FGF14: variants seen among roughly 807,000 people sequenced by gnomAD.
FGF14 encodes fibroblast growth factor homologous factor 4.
FGF14 carries 5 observed loss-of-function variants against 25.5 expected under a neutral mutation model. The ratio of observed to expected loss-of-function variants is 0.20; its 90% CI spans 0.10 to 0.41. FGF14 has a LOEUF of 0.41. Ranked by LOEUF, FGF14 falls within the 10% of genes least tolerant of loss-of-function variation. FGF14 has a pLI of 1.00. For synonymous variants in FGF14, 138 were observed against 118.3 expected, an observed-to-expected ratio of 1.17 and a Z score of -1.08; for missense variants, 222 against 320.1, an observed-to-expected ratio of 0.69 and a Z score of 2.34.
chr13:101,903,554 G>A (rs1262193862), intron 1 of FGF14, among the ~76,000 whole-genome samples: 2 of 151,556 alleles, frequency 1.3e-5, no homozygotes, highest in African/African-American at 4.9e-5. Context: ...TTTTTTTCCT[G>A]TCTCTATATT....
At chr13:102,273,780 A>G (rs2053367913) in intron 1 of FGF14, among the ~76,000 whole-genome samples, 1 of 151,994 alleles carries the variant, frequency 6.6e-6, no homozygotes, top group Non-Finnish European at 1.5e-5. Context: ...TCCAGCTAAT[A>G]ATACAAAAAT....
At chr13:102,140,189 A>G (rs952462000) in intron 1 of FGF14, among the ~76,000 whole-genome samples, 9 of 152,084 alleles carry the variant, frequency 5.9e-5, no homozygotes, top group Admixed American at 2.0e-4. Flanking sequence ...TGGGGATAAT[A>G]ATGGGGTCTT....
chr13:102,327,859 C>CA (rs68138633), intron 1 of FGF14, among the ~76,000 whole-genome samples: 25,574 of 121,634 alleles, frequency 0.21, 2,488 homozygotes, highest in East Asian at 0.46. Context: ...AAAAAACAAA[C>CA]AAAAAAAAAG....
chr13:102,189,513 C>T (rs188337206), intron 1 of FGF14, among the ~76,000 whole-genome samples: 18 of 152,058 alleles, frequency 1.2e-4, no homozygotes, highest in African/African-American at 3.6e-4. Flanking sequence ...AGGTAGAATC[C>T]CTTACAACAT....
chr13:101,730,434 A>G (rs960209703), intron 3 of FGF14, among the ~76,000 whole-genome samples: 1 of 152,224 alleles, frequency 6.6e-6, no homozygotes, highest in Non-Finnish European at 1.5e-5. Context: ...GCCAGGACAA[A>G]AAGAGAAAGA....
At chr13:102,103,607 T>C (rs2044762347) in intron 1 of FGF14, among the ~76,000 whole-genome samples, 1 of 152,134 alleles carries the variant, frequency 6.6e-6, no homozygotes, top group African/African-American at 2.4e-5. Context: ...CAACATCACA[T>C]GTAACTTGCT....
intron 1 of FGF14, among the ~76,000 whole-genome samples, chr13:101,878,964 T>A (rs141824472): frequency 0.011 from 1,626 of 152,280 alleles, 33 homozygotes; most frequent in African/African-American, 0.037. Flanking sequence ...GTATTTTTGT[T>A]TTAAATACTG....
At chr13:101,975,958 G>C (rs753310865) in intron 1 of FGF14, among the ~76,000 whole-genome samples, 1 of 152,194 alleles carries the variant, frequency 6.6e-6, no homozygotes, top group Non-Finnish European at 1.5e-5. Context: ...CCACGGCCTG[G>C]TTCTGTGGGA....
chr13:101,807,110 T>A (rs1014520166), intron 3 of FGF14, among the ~76,000 whole-genome samples: 1 of 152,082 alleles, frequency 6.6e-6, no homozygotes, highest in African/African-American at 2.4e-5. Flanking sequence ...TGAAGAAAAG[T>A]ATTGACTATA....
chr13:102,291,640 G>T (rs1175388086), intron 1 of FGF14, among the ~76,000 whole-genome samples: 1 of 152,158 alleles, frequency 6.6e-6, no homozygotes, highest in Non-Finnish European at 1.5e-5. Context: ...ATACTGTGGG[G>T]TGTGCTATAC....
At chr13:101,819,991 A>C (rs999995320) in intron 3 of FGF14, among the ~76,000 whole-genome samples, 1 of 152,188 alleles carries the variant, frequency 6.6e-6, no homozygotes, top group Non-Finnish European at 1.5e-5. Flanking sequence ...TAAGATCCAC[A>C]AGCTTTTGGA....
chr13:102,259,611 C>G (rs552724323), intron 1 of FGF14, among the ~76,000 whole-genome samples: 3 of 152,182 alleles, frequency 2.0e-5, no homozygotes, highest in Admixed American at 6.5e-5. Flanking sequence ...CCCTCCCCCC[C>G]ATCCACTCTT....
chr13:102,131,068 GA>G (rs1301704713), intron 1 of FGF14, among the ~76,000 whole-genome samples: 2 of 152,064 alleles, frequency 1.3e-5, no homozygotes, highest in Non-Finnish European at 2.9e-5. Flanking sequence ...AAAACTAATT[GA>G]AATTAAAAGC....
intron 1 of FGF14, among the ~76,000 whole-genome samples, chr13:102,044,767 C>T: frequency 6.6e-6 from 1 of 152,146 alleles, no homozygotes; most frequent in Non-Finnish European, 1.5e-5. Flanking sequence ...GAAAGATATA[C>T]ATCGTCAGTC....
Position 101,718,092 on chromosome 13 carries a change from G to T in FGF14, c.*4739C>A, listed in dbSNP as rs1361699391. 1 of 152,100 alleles carries T rather than the reference G, an allele frequency of 6.6e-6. No homozygotes were observed. Among genetic ancestry groups the T allele is most frequent in the Non-Finnish European group, 1.5e-5 (1 of 68,008 alleles). The allele number at this position is 152,100 out of a possible 1,614,324, so 9.4% of individuals were successfully genotyped here. A position where few individuals can be genotyped will look rare whatever the true frequency, so the allele number is the denominator to read the frequency against. ...TGAAAATATAGTCAGCTCTGTTCTA[G>T]TGTTCATTTAGTTAGAAACCATAGT... On this transcript the variant is annotated 3_prime_UTR_variant, in exon 5 of 5. Transcript: ENST00000376143.
intron 3 of FGF14, among the ~76,000 whole-genome samples, chr13:101,737,849 G>T (rs2036290540): frequency 6.6e-6 from 1 of 151,834 alleles, no homozygotes; most frequent in Non-Finnish European, 1.5e-5. Flanking sequence ...TTAATATTAA[G>T]CATATGTGTT....
At chr13:101,776,401 A>G (rs1225435202) in intron 3 of FGF14, among the ~76,000 whole-genome samples, 2 of 152,332 alleles carry the variant, frequency 1.3e-5, no homozygotes, top group Admixed American at 6.5e-5. Flanking sequence ...TACAGGGCAC[A>G]CATGGATAAT....
chr13:102,151,022 C>T (rs1031895344), intron 1 of FGF14, among the ~76,000 whole-genome samples: 7 of 152,164 alleles, frequency 4.6e-5, no homozygotes, highest in Admixed American at 1.3e-4. Flanking sequence ...ATGAAGATTA[C>T]GCTTTTTTAA....
At chr13:102,245,281 T>C (rs562039498) in intron 1 of FGF14, among the ~76,000 whole-genome samples, 34 of 152,132 alleles carry the variant, frequency 2.2e-4, no homozygotes, top group Non-Finnish European at 3.8e-4. Context: ...TCCCTATGCT[T>C]ATAGCAGTTT....
Sources: gnomAD v4.1 joint callset for allele counts (sites outside exome capture counted in the v4.1 genomes callset) on GRCh38, gnomAD v4.1.1 for gene constraint, MANE v1.5 for transcripts, NCBI Gene and HGNC (gene_info 2026-07-23, HGNC 2026-07-21) for gene names.